The following KCNH8 variants were observed in gnomAD, a reference collection of about 807,000 sequenced individuals.
The protein encoded by KCNH8 is potassium voltage-gated channel subfamily H member 8.
In KCNH8, 70 loss-of-function variants were observed where a neutral mutation model predicts 103.6. The ratio of observed to expected loss-of-function variants is 0.68; its 90% CI spans 0.56 to 0.82. The LOEUF (loss-of-function observed/expected upper bound fraction) is 0.82, where lower values mean the gene tolerates loss of function less well. KCNH8 is among the 40% of genes least tolerant of loss of function. KCNH8 has a pLI of 0.00. For synonymous variants in KCNH8, 498 were observed against 489.4 expected, an observed-to-expected ratio of 1.02 and a Z score of -0.23; for missense variants, 1,217 against 1,329.9, an observed-to-expected ratio of 0.92 and a Z score of 1.32.
intron 3 of KCNH8, among the ~76,000 whole-genome samples, chr3:19,288,538 T>A (rs918740103): frequency 1.3e-5 from 2 of 152,118 alleles, no homozygotes; most frequent in Admixed American, 6.5e-5. Flanking sequence ...GCTTCATCCA[T>A]GTCCCTACAA....
intron 11 of KCNH8, among the ~76,000 whole-genome samples, chr3:19,493,161 T>C (rs929053381): frequency 1.3e-5 from 2 of 152,164 alleles, no homozygotes; most frequent in Non-Finnish European, 2.9e-5. Context: ...TACAATAATA[T>C]CACAAAGAGA....
intron 11 of KCNH8, among the ~76,000 whole-genome samples, chr3:19,463,824 T>TA (rs2067682908): frequency 6.6e-6 from 1 of 152,100 alleles, no homozygotes; most frequent in South Asian, 2.1e-4. Context: ...GGACAAGAGT[T>TA]AAAAGCAACC....
chr3:19,178,179 A>T (rs907081616), intron 1 of KCNH8, among the ~76,000 whole-genome samples: 2 of 151,118 alleles, frequency 1.3e-5, no homozygotes, highest in East Asian at 1.9e-4. Context: ...CTTCTGAAAT[A>T]AAAAAAAAAT....
chr3:19,249,642 A>G (rs2125250569), intron 1 of KCNH8, among the ~76,000 whole-genome samples: 1 of 152,300 alleles, frequency 6.6e-6, no homozygotes, highest in Non-Finnish European at 1.5e-5. Flanking sequence ...TAAAGATGCT[A>G]AGGAAATTAA....
At chr3:19,513,804 G>C (rs975418955) in intron 13 of KCNH8, among the ~76,000 whole-genome samples, 22 of 151,906 alleles carry the variant, frequency 1.4e-4, no homozygotes, top group African/African-American at 5.3e-4. Context: ...TTTATTTCTG[G>C]TCTCTTCAAT....
chr3:19,316,043 A>C (rs2065269513), intron 3 of KCNH8, among the ~76,000 whole-genome samples: 1 of 152,078 alleles, frequency 6.6e-6, no homozygotes, highest in Non-Finnish European at 1.5e-5. Context: ...GATTTAAAAG[A>C]AATTAAGTCA....
At chr3:19,291,387 A>G (rs545994270) in intron 3 of KCNH8, among the ~76,000 whole-genome samples, 1 of 152,330 alleles carries the variant, frequency 6.6e-6, no homozygotes, top group South Asian at 2.1e-4. Flanking sequence ...ATTTAGTGCT[A>G]TAAATTTCCC....
intron 2 of KCNH8, among the ~76,000 whole-genome samples, chr3:19,258,703 T>C (rs1277219593): frequency 6.6e-6 from 1 of 151,788 alleles, no homozygotes; most frequent in Non-Finnish European, 1.5e-5. Flanking sequence ...GAAAATCTTA[T>C]TAGTGGCTCA....
intron 7 of KCNH8, among the ~76,000 whole-genome samples, chr3:19,430,721 A>G (rs578219931): frequency 1.3e-5 from 2 of 152,118 alleles, no homozygotes; most frequent in East Asian, 3.9e-4. Flanking sequence ...CTGTATTCCT[A>G]GGTATTTTAT....
At chr3:19,338,219 C>T (rs972155518) in intron 3 of KCNH8, among the ~76,000 whole-genome samples, 7 of 151,904 alleles carry the variant, frequency 4.6e-5, no homozygotes, top group African/African-American at 1.7e-4. Flanking sequence ...ACCTCTCTTC[C>T]TTCCTTTCAT....
intron 11 of KCNH8, among the ~76,000 whole-genome samples, chr3:19,507,570 G>T (rs1201858313): frequency 6.6e-6 from 1 of 152,108 alleles, no homozygotes; most frequent in Non-Finnish European, 1.5e-5. Context: ...AGGGATTGTG[G>T]GTTTTCTCTG....
intron 2 of KCNH8, among the ~76,000 whole-genome samples, chr3:19,258,146 T>G (rs2064370718): frequency 6.6e-6 from 1 of 152,090 alleles, no homozygotes; most frequent in African/African-American, 2.4e-5. Flanking sequence ...TTTGAGGTAC[T>G]GGGGATTAGA....
intron 2 of KCNH8, among the ~76,000 whole-genome samples, chr3:19,277,112 A>G (rs369723070): frequency 6.6e-6 from 1 of 152,134 alleles, no homozygotes; most frequent in East Asian, 1.9e-4. Context: ...AAAGACAAAT[A>G]TTGCATGTTC....
intron 1 of KCNH8, among the ~76,000 whole-genome samples, chr3:19,201,743 A>G (rs1480018984): frequency 3.3e-5 from 5 of 152,154 alleles, no homozygotes; most frequent in African/African-American, 1.2e-4. Context: ...TTATCAGTCC[A>G]AGACAGAATA....
At chr3:19,493,745 CTT>C (rs1488589766) in intron 11 of KCNH8, among the ~76,000 whole-genome samples, 1 of 151,614 alleles carries the variant, frequency 6.6e-6, no homozygotes, top group Non-Finnish European at 1.5e-5. Context: ...ATTGATGAGT[CTT>C]ATTATTATTA....
chr3:19,359,365 G>T (rs1361580039), intron 5 of KCNH8, among the ~76,000 whole-genome samples: 1 of 139,608 alleles, frequency 7.2e-6, no homozygotes, highest in Admixed American at 7.0e-5. Flanking sequence ...TGTTGTGTGT[G>T]CATGTGTATA....
chr3:19,468,251 G>C (rs896591060), intron 11 of KCNH8, among the ~76,000 whole-genome samples: 1 of 152,162 alleles, frequency 6.6e-6, no homozygotes, highest in Non-Finnish European at 1.5e-5. Context: ...GCCTAATGCA[G>C]AGTCAACATT....
intron 15 of KCNH8, among the ~76,000 whole-genome samples, chr3:19,530,859 T>C (rs1383457860): frequency 2.0e-5 from 3 of 152,206 alleles, no homozygotes; most frequent in Non-Finnish European, 2.9e-5. Flanking sequence ...AAGACTGTCA[T>C]TCATGAAATA....
In KCNH8 at chr3:19,372,942, T is replaced by C. The variant is rs1220351226; in HGVS notation, c.812-17539T>C. On this transcript the variant is annotated intron_variant, in intron 5 of 15. Coordinates refer to ENST00000328405, the MANE Select transcript of KCNH8 (RefSeq NM_144633.3). ...TGATTTGCGTATATTGAACCAGCCT[T>C]GCATCCCAGGGATGAAGCCCACTTG... Among the ~76,000 whole-genome samples, 4 of 152,122 alleles carry C rather than the reference T, an allele frequency of 2.6e-5. No individual in the cohort carries two copies. The East Asian group carries it at 7.7e-4, about 29-fold the overall frequency.
Sources: allele counts gnomAD v4.1 joint callset (sites outside exome capture counted in the v4.1 genomes callset), GRCh38; gene constraint gnomAD v4.1.1; transcripts MANE v1.5; gene names NCBI Gene and HGNC (gene_info 2026-07-23, HGNC 2026-07-21).